Variants in SERPINE2 observed in about 807,000 individuals in gnomAD.
The protein encoded by SERPINE2 is serpin family E member 2, also known as glia-derived nexin.
Under a neutral mutation model 36.3 loss-of-function variants are expected in SERPINE2, and 14 were observed. The ratio of observed to expected loss-of-function variants is 0.39; its 90% CI spans 0.25 to 0.60. The LOEUF is 0.60. Ranked by LOEUF, SERPINE2 falls within the 20% of genes least tolerant of loss-of-function variation. The probability of loss-of-function intolerance (pLI) is 0.57; values close to 1 mark genes in which losing one functional copy is unlikely to be tolerated. For missense variants in SERPINE2, 418 were observed against 499.6 expected, an observed-to-expected ratio of 0.84 and a Z score of 1.56; for synonymous variants, 192 against 191.8, an observed-to-expected ratio of 1.00 and a Z score of -0.01.
Position 223,984,919 on chromosome 2 carries a change from G to A in SERPINE2, c.717C>T (p.Tyr239=), listed in dbSNP as rs928771059. 21 of 1,614,024 alleles carry A rather than the reference G, an allele frequency of 1.3e-5. No homozygotes were observed. The Admixed American group carries it at 2.7e-4, about 20-fold the overall frequency. ...GSTSAPNDLW[Y]NFIELPYHGE... ...CGTGGTAGGGCAGTTCAATGAAGTT[G>A]TACCATAAATCATTGGGGGCACTTG... The change falls in exon 5 of 9, where the codon TAC becomes TAT. Residue 239 remains tyrosine, a synonymous_variant. Transcript: ENST00000409304.
At chr2:223,980,713 AGC>A (rs1368974897) in intron 6 of SERPINE2, 2 of 212,768 alleles carry the variant, frequency 9.4e-6, no homozygotes, top group Non-Finnish European at 1.9e-5. Context: ...TTAAAAAGGA[AGC>A]CCGGTTTTCT....
intron 1 of SERPINE2, among the ~76,000 whole-genome samples, chr2:224,021,372 A>G (rs1257621264): frequency 8.5e-5 from 13 of 152,350 alleles, no homozygotes; most frequent in Admixed American, 3.9e-4. Context: ...CTAGTCAACA[A>G]AACAGTGATT....
intron 1 of SERPINE2, among the ~76,000 whole-genome samples, chr2:224,036,688 G>A (rs1692548877): frequency 6.6e-6 from 1 of 150,980 alleles, no homozygotes. Flanking sequence ...CACAGGCCTT[G>A]AACTTTGAGG....
chr2:224,028,422 GT>G (rs1302802449), intron 1 of SERPINE2, among the ~76,000 whole-genome samples: 1 of 152,194 alleles, frequency 6.6e-6, no homozygotes, highest in East Asian at 1.9e-4. Context: ...AACCAAGTTT[GT>G]TTGACCTCTA....
chr2:224,014,446 T>C (rs1213228731), intron 1 of SERPINE2, among the ~76,000 whole-genome samples: 1 of 152,172 alleles, frequency 6.6e-6, no homozygotes, highest in Non-Finnish European at 1.5e-5. Context: ...ATGCAGTCAT[T>C]GCATTGATGA....
At chr2:224,025,694 C>A (rs1692159951) in intron 1 of SERPINE2, among the ~76,000 whole-genome samples, 1 of 152,218 alleles carries the variant, frequency 6.6e-6, no homozygotes. Flanking sequence ...AGCACAGCAC[C>A]TCCTTACCTT....
intron 7 of SERPINE2, chr2:223,978,913 C>T (rs1391977689): frequency 6.6e-6 from 1 of 152,004 alleles, no homozygotes; most frequent in African/African-American, 2.4e-5. Context: ...CTAATAGGAC[C>T]GTTGCCCTTA....
Position 223,977,399 on chromosome 2 carries a change from T to G in SERPINE2, c.1156+145A>C, listed in dbSNP as rs1690054047. ...CCTTTATTTTCCTATCTCTTTAACA[T>G]GGGTGGTTATATTATTCAAAGTGTC... On this transcript the variant is annotated intron_variant, in intron 8 of 8. Coordinates refer to ENST00000409304, the MANE Select transcript of SERPINE2 (RefSeq NM_001136528.2). 3 of 634,624 alleles carry G rather than the reference T, an allele frequency of 4.7e-6. No individual in the cohort carries two copies. In the East Asian group the frequency reaches 8.1e-5, roughly 17 times the overall value. The allele number at this position is 634,624 out of a possible 1,614,324, so 39.3% of individuals were successfully genotyped here.
At chr2:224,023,902 C>T (rs2106194417) in intron 1 of SERPINE2, among the ~76,000 whole-genome samples, 1 of 152,160 alleles carries the variant, frequency 6.6e-6, no homozygotes, top group South Asian at 2.1e-4. Context: ...TGTAAGAAAC[C>T]CATGCAGCTT....
intron 1 of SERPINE2, among the ~76,000 whole-genome samples, chr2:224,027,107 G>T (rs985883846): frequency 2.0e-5 from 3 of 152,172 alleles, no homozygotes; most frequent in Non-Finnish European, 4.4e-5. Flanking sequence ...TCTGCAGAGA[G>T]ATTTACCTCT....
At chr2:223,999,992 G>A (rs187707351) in intron 2 of SERPINE2, among the ~76,000 whole-genome samples, 85 of 152,324 alleles carry the variant, frequency 5.6e-4, no homozygotes, top group Non-Finnish European at 1.2e-3. Context: ...GTACAGAAGT[G>A]TAATGCTGCA....
intron 1 of SERPINE2, among the ~76,000 whole-genome samples, chr2:224,015,379 C>T (rs937293904): frequency 6.6e-6 from 1 of 152,128 alleles, no homozygotes; most frequent in Non-Finnish European, 1.5e-5. Flanking sequence ...GCCACATGGG[C>T]AGACATTGGA....
chr2:224,006,682 T>G (rs1251255761), intron 1 of SERPINE2, among the ~76,000 whole-genome samples: 1 of 152,132 alleles, frequency 6.6e-6, no homozygotes, highest in Admixed American at 6.5e-5. Flanking sequence ...AAATCAGAGG[T>G]TGACCCGTGG....
At chr2:223,993,855 T>C (rs1229313604) in intron 3 of SERPINE2, among the ~76,000 whole-genome samples, 1 of 152,000 alleles carries the variant, frequency 6.6e-6, no homozygotes, top group East Asian at 1.9e-4. Flanking sequence ...AGAAGGAAAA[T>C]ATCTAAGCCA....
In SERPINE2 at chr2:224,022,137, C is replaced by A. The variant is rs533890248; in HGVS notation, c.-23+16962G>T. Among the ~76,000 whole-genome samples the A allele has an allele frequency of 3.0e-4, 35 of 116,932 alleles. No individual in the cohort carries two copies. In the East Asian group the frequency reaches 8.7e-3, roughly 29 times the overall value. 76.7% of individuals were successfully genotyped at this position (116,932 alleles called of 152,430 possible). ...TCACACCACTGCACTCCAGCCTGGGCAACAGAGCGAGACTCCTTCTCAAAA... is the reference window on the plus strand; with the variant it reads ...TCACACCACTGCACTCCAGCCTGGGAAACAGAGCGAGACTCCTTCTCAAAA... On this transcript the variant is annotated intron_variant, in intron 1 of 8. Coordinates refer to ENST00000409304, the MANE Select transcript of SERPINE2 (RefSeq NM_001136528.2).
chr2:224,038,225 C>G (rs944055734), intron 1 of SERPINE2, among the ~76,000 whole-genome samples: 1 of 152,134 alleles, frequency 6.6e-6, no homozygotes, highest in Non-Finnish European at 1.5e-5. Flanking sequence ...CCTTCGAACA[C>G]CTTTTTATGC....
At chr2:224,038,453 C>A (rs1692599036) in intron 1 of SERPINE2, 3 of 1,544,498 alleles carry the variant, frequency 1.9e-6, no homozygotes, top group African/African-American at 1.4e-5. Context: ...ATGCCTAATT[C>A]CTTCCAGAAT....
At chr2:223,980,198 C>T in intron 7 of SERPINE2, 113 bp downstream of exon 7, 1 of 849,550 alleles carries the variant, frequency 1.2e-6, no homozygotes. Flanking sequence ...TTAACCCACA[C>T]ACACTGCCTG....
intron 1 of SERPINE2, among the ~76,000 whole-genome samples, chr2:224,036,811 T>G (rs114304840): frequency 0.03 from 4,543 of 151,816 alleles, 186 homozygotes; most frequent in African/African-American, 0.089. Context: ...CAAGGGAGGT[T>G]AAGGCATTCT....
Sources: gnomAD v4.1 joint callset for allele counts (sites outside exome capture counted in the v4.1 genomes callset) on GRCh38, gnomAD v4.1.1 for gene constraint, MANE v1.5 for transcripts, NCBI Gene and HGNC (gene_info 2026-07-23, HGNC 2026-07-21) for gene names.